Variants in BAIAP2 observed in about 807,000 individuals in gnomAD.
The protein encoded by BAIAP2 is BAR/IMD domain-containing adapter protein 2.
In BAIAP2, 18 loss-of-function variants were observed where a neutral mutation model predicts 63.0. That is an observed-to-expected ratio of 0.29 (90% CI 0.20 to 0.42). BAIAP2 has a LOEUF of 0.42. BAIAP2 is among the 10% of genes least tolerant of loss of function. The pLI is 1.00. For missense variants in BAIAP2, 610 were observed against 734.3 expected (o/e 0.83, Z 1.96); for synonymous variants, 386 against 307.6 (o/e 1.25, Z -2.67).
chr17:81,105,002 G>C (rs935821807), intron 10 of BAIAP2: 19 of 350,184 alleles, frequency 5.4e-5, no homozygotes, highest in Non-Finnish European at 9.6e-5. Context: ...CAACGGCAGG[G>C]ATCTCCCCCA....
chr17:81,062,733 G>C (rs369517496), intron 3 of BAIAP2, among the ~76,000 whole-genome samples: 8 of 149,440 alleles, frequency 5.4e-5, no homozygotes, highest in Admixed American at 2.7e-4. Context: ...GGTGAACGGG[G>C]AATGTGTTTG....
intron 3 of BAIAP2, among the ~76,000 whole-genome samples, chr17:81,065,017 C>T (rs1568102337): frequency 6.6e-6 from 1 of 152,224 alleles, no homozygotes; most frequent in African/African-American, 2.4e-5. Flanking sequence ...TTTCTCCCTT[C>T]CAGCTCCGGC....
At chr17:81,069,725 G>A (rs1275040910) in intron 3 of BAIAP2, among the ~76,000 whole-genome samples, 8 of 152,184 alleles carry the variant, frequency 5.3e-5, no homozygotes, top group Admixed American at 2.6e-4. Flanking sequence ...GTCCACTCAC[G>A]AGCTCAGTCT....
chr17:81,092,395 C>G (rs560527663), intron 6 of BAIAP2, among the ~76,000 whole-genome samples: 1 of 152,214 alleles, frequency 6.6e-6, no homozygotes, highest in Admixed American at 6.5e-5. Context: ...CACACCACAC[C>G]AGGCCCTGGG....
chr17:81,103,458 C>T, intron 7 of BAIAP2, 44 bp from the exon 8 acceptor site: 1 of 1,519,218 alleles, frequency 6.6e-7, no homozygotes, highest in Non-Finnish European at 8.8e-7. Flanking sequence ...CTGCAGGAGA[C>T]TGAGCCGGCC....
intron 2 of BAIAP2, among the ~76,000 whole-genome samples, chr17:81,054,570 C>T (rs576876317): frequency 1.5e-4 from 23 of 152,308 alleles, no homozygotes; most frequent in African/African-American, 5.1e-4. Flanking sequence ...GTGCGGATGT[C>T]AGTCCCTCAG....
chr17:81,045,516 C>T (rs972464351), intron 1 of BAIAP2, among the ~76,000 whole-genome samples: 5 of 152,178 alleles, frequency 3.3e-5, no homozygotes, highest in Non-Finnish European at 7.4e-5. Flanking sequence ...CGGGCCCCTC[C>T]TGGCGGGAGG....
chr17:81,067,386 C>CG lies in BAIAP2; in HGVS notation c.217+9426dup, dbSNP rs942994748. 3.3e-5 allele frequency among the ~76,000 whole-genome samples: 5 copies of CG among 152,120 alleles called. No homozygotes were observed. In the East Asian group the frequency reaches 5.8e-4, roughly 18 times the overall value. On this transcript the variant is annotated intron_variant, in intron 3 of 13. Coordinates refer to ENST00000428708, the MANE Select transcript of BAIAP2 (RefSeq NM_001144888.2). The stretch of plus-strand genomic sequence containing the variant: ...CCAGCACCTGAGCAGGGGAAGGGGG[C>CG]GGGGGGGCCTCATGGTGGGCGGGTG...
At chr17:81,105,901 A>G in intron 10 of BAIAP2, 177 bp from the exon 11 acceptor site, 1 of 586,852 alleles carries the variant, frequency 1.7e-6, no homozygotes, top group Non-Finnish European at 3.0e-6. Flanking sequence ...CTTGAGGCTG[A>G]GCACACAGTG....
At chr17:81,110,979 C>T (rs368050514) in intron 13 of BAIAP2, 29 of 1,613,560 alleles carry the variant, frequency 1.8e-5, no homozygotes, top group East Asian at 2.2e-5. Flanking sequence ...CTGGCGTTCT[C>T]GTGCAGTCAC....
chr17:81,055,866 G>A (rs1051634327), intron 2 of BAIAP2, among the ~76,000 whole-genome samples: 11 of 152,232 alleles, frequency 7.2e-5, no homozygotes, highest in South Asian at 4.1e-4. Context: ...GCGCCCGGCC[G>A]TCTGCAGGGT....
At chr17:81,083,120 G>C (rs904211019) in intron 3 of BAIAP2, 4 of 152,324 alleles carry the variant, frequency 2.6e-5, no homozygotes, top group Non-Finnish European at 4.4e-5. Context: ...GGCCAGCCCA[G>C]CCGTGGTCCT....
intron 1 of BAIAP2, among the ~76,000 whole-genome samples, chr17:81,042,134 TC>T (rs1371995656): frequency 4.6e-5 from 5 of 109,182 alleles, no homozygotes; most frequent in Admixed American, 1.2e-4. Flanking sequence ...TTTTTTCTTT[TC>T]TTTTTTCTTT....
chr17:81,088,632 C>T (rs1055451779), intron 6 of BAIAP2, among the ~76,000 whole-genome samples: 1 of 152,224 alleles, frequency 6.6e-6, no homozygotes, highest in Non-Finnish European at 1.5e-5. Flanking sequence ...TGGTGGCTCA[C>T]GTGGCACGGA....
chr17:81,069,359 G>A (rs757058731), intron 3 of BAIAP2, among the ~76,000 whole-genome samples: 3 of 152,208 alleles, frequency 2.0e-5, no homozygotes, highest in African/African-American at 4.8e-5. Flanking sequence ...TCCAAGTACC[G>A]AGGGGCGGCG....
At chr17:81,083,524 G>A (rs901191942) in intron 3 of BAIAP2, 5 of 152,262 alleles carry the variant, frequency 3.3e-5, no homozygotes, top group Non-Finnish European at 7.3e-5. Context: ...GGAGCCATTT[G>A]CCGCAGGGGT....
chr17:81,111,459 A>G (rs952527710), intron 13 of BAIAP2, among the ~76,000 whole-genome samples: 2 of 152,192 alleles, frequency 1.3e-5, no homozygotes, highest in African/African-American at 4.8e-5. Flanking sequence ...TGTTGGGCCC[A>G]CTGGGGACCG....
At chr17:81,096,120 T>G (rs2057573077) in intron 6 of BAIAP2, among the ~76,000 whole-genome samples, 1 of 152,020 alleles carries the variant, frequency 6.6e-6, no homozygotes, top group Admixed American at 6.5e-5. Flanking sequence ...CACCTTCTCT[T>G]CCCCCGAGTC....
intron 1 of BAIAP2, among the ~76,000 whole-genome samples, chr17:81,045,727 C>T (rs915467784): frequency 7.2e-5 from 11 of 152,290 alleles, no homozygotes; most frequent in South Asian, 4.1e-4. Context: ...CCCTGGTATG[C>T]GTGGGACCTG....
Sources: allele counts gnomAD v4.1 joint callset (sites outside exome capture counted in the v4.1 genomes callset), GRCh38; gene constraint gnomAD v4.1.1; transcripts MANE v1.5; gene names NCBI Gene and HGNC (gene_info 2026-07-23, HGNC 2026-07-21).